Variants in MSRA observed in about 807,000 individuals in gnomAD.
MSRA encodes mitochondrial peptide methionine sulfoxide reductase.
A neutral mutation model predicts 31.3 loss-of-function variants in MSRA; 54 were observed. That is an observed-to-expected ratio of 1.73 (90% CI 1.39 to 2.17). The LOEUF (loss-of-function observed/expected upper bound fraction) is 2.17. Ranked by LOEUF, MSRA falls within the 30% of genes most tolerant of loss-of-function variation. The pLI is 0.00. For synonymous variants in MSRA, 169 were observed against 116.5 expected (o/e 1.45, Z -2.90); for missense variants, 507 against 300.9 (o/e 1.69, Z -5.07).
At chr8:10,306,033 T>C (rs1801121862) in intron 4 of MSRA, among the ~76,000 whole-genome samples, 1 of 152,236 alleles carries the variant, frequency 6.6e-6, no homozygotes, top group Non-Finnish European at 1.5e-5. Flanking sequence ...ACTCATGGGA[T>C]GAAGATAGTT....
chr8:10,067,372 A>G (rs1797508038), intron 1 of MSRA, among the ~76,000 whole-genome samples: 1 of 152,236 alleles, frequency 6.6e-6, no homozygotes, highest in African/African-American at 2.4e-5. Flanking sequence ...TTTTATTATC[A>G]ATAATATTCC....
chr8:10,266,388 T>G (rs1798749461), intron 3 of MSRA, among the ~76,000 whole-genome samples: 1 of 152,256 alleles, frequency 6.6e-6, no homozygotes, highest in South Asian at 2.1e-4. Context: ...TGTGTATGTC[T>G]TTCATAAATT....
chr8:10,237,174 T>C (rs1466664097), intron 2 of MSRA, among the ~76,000 whole-genome samples: 1 of 152,252 alleles, frequency 6.6e-6, no homozygotes, highest in African/African-American at 2.4e-5. Context: ...TCTCCTCTGC[T>C]AAGAGGAAAC....
At chr8:10,131,034 C>T (rs184977595) in intron 1 of MSRA, among the ~76,000 whole-genome samples, 1 of 152,252 alleles carries the variant, frequency 6.6e-6, no homozygotes, top group East Asian at 1.9e-4. Context: ...TTTTTGCAAA[C>T]TACAGAACTA....
rs1806848730 is a variant in MSRA at position 10,392,925 on chromosome 8, A to G, written c.544-35223A>G. On this transcript the variant is annotated intron_variant, in intron 5 of 5. Transcript: ENST00000317173. The stretch of plus-strand genomic sequence containing the variant: ...AAAAAAAAAAAAATTAGCCGGCAGT[A>G]ATGGCGGGCGCCTATAGTCCCAGCT... 2.7e-5 allele frequency among the ~76,000 whole-genome samples: 4 copies of G among 148,810 alleles called. No individual in the cohort carries two copies. The South Asian group carries it at 6.4e-4, about 24-fold the overall frequency.
At chr8:10,173,737 C>T (rs762781555) in intron 1 of MSRA, among the ~76,000 whole-genome samples, 2 of 152,200 alleles carry the variant, frequency 1.3e-5, no homozygotes, top group Non-Finnish European at 2.9e-5. Context: ...CCTTCTTTGT[C>T]ACTGTTTTCT....
intron 1 of MSRA, among the ~76,000 whole-genome samples, chr8:10,161,619 T>G (rs1804650840): frequency 6.6e-6 from 1 of 152,182 alleles, no homozygotes; most frequent in Admixed American, 6.5e-5. Flanking sequence ...ATACTGAAAG[T>G]CCTTTTTGGT....
At chr8:10,135,973 GTTGT>G (rs1166794311) in intron 1 of MSRA, among the ~76,000 whole-genome samples, 4 of 152,186 alleles carry the variant, frequency 2.6e-5, no homozygotes, top group African/African-American at 9.6e-5. Flanking sequence ...TTGCACTGTG[GTTGT>G]TTAATAGAAG....
intron 1 of MSRA, among the ~76,000 whole-genome samples, chr8:10,074,084 TTTTTTTTTTTTTTTA>T (rs1797874052): frequency 8.7e-5 from 10 of 114,698 alleles, no homozygotes; most frequent in African/African-American, 1.8e-4. Flanking sequence ...TTTTTTTTTT[TTTTTTTTTTTTTTTA>T]TTAAATGGAG....
At chr8:10,137,614 G>A (rs766800959) in intron 1 of MSRA, among the ~76,000 whole-genome samples, 1 of 152,310 alleles carries the variant, frequency 6.6e-6, no homozygotes, top group Non-Finnish European at 1.5e-5. Context: ...AGCTAAAATA[G>A]CGAATGCTGT....
At chr8:10,402,988 G>A (rs1807558904) in intron 5 of MSRA, among the ~76,000 whole-genome samples, 1 of 152,174 alleles carries the variant, frequency 6.6e-6, no homozygotes, top group Non-Finnish European at 1.5e-5. Context: ...TGGAAGAGAA[G>A]ACAGCTTCTA....
chr8:10,281,813 A>G lies in MSRA; in HGVS notation c.332-19721A>G, dbSNP rs116534172. Among the ~76,000 whole-genome samples the G allele has an allele frequency of 3.7e-3, 557 of 152,320 alleles. 3 individuals are homozygous for G. Among genetic ancestry groups the G allele is most frequent in the African/African-American group, 0.013 (540 of 41,562 alleles). ...AGGGGCGCTGATCAAGACGAAGGCT[A>G]TTATCGAGCTGGGATCCAAACATCT... On this transcript the variant is annotated intron_variant, in intron 3 of 5. Transcript: ENST00000317173.
At chr8:10,401,174 A>G (rs1585689268) in intron 5 of MSRA, among the ~76,000 whole-genome samples, 1 of 152,230 alleles carries the variant, frequency 6.6e-6, no homozygotes, top group African/African-American at 2.4e-5. Context: ...ATTAATGTCC[A>G]GAAAATATTT....
chr8:10,347,555 G>T (rs912791763), intron 5 of MSRA, among the ~76,000 whole-genome samples: 1 of 152,020 alleles, frequency 6.6e-6, no homozygotes, highest in African/African-American at 2.4e-5. Flanking sequence ...CTTTGTTCTG[G>T]TTTGGACTCT....
intron 1 of MSRA, among the ~76,000 whole-genome samples, chr8:10,164,570 A>G (rs530469036): frequency 6.6e-6 from 1 of 152,372 alleles, no homozygotes; most frequent in African/African-American, 2.4e-5. Context: ...AGAGAATGGG[A>G]AAACTCTTGG....
intron 1 of MSRA, among the ~76,000 whole-genome samples, chr8:10,073,273 T>G (rs1040207427): frequency 1.3e-5 from 2 of 152,200 alleles, no homozygotes; most frequent in Non-Finnish European, 2.9e-5. Context: ...TGCTGTTTAT[T>G]GAGTTACGGT....
chr8:10,243,439 A>C (rs1372967556), intron 2 of MSRA, among the ~76,000 whole-genome samples: 1 of 152,192 alleles, frequency 6.6e-6, no homozygotes, highest in Non-Finnish European at 1.5e-5. Context: ...CTTTTGCCGG[A>C]GACCTGTGGA....
chr8:10,181,345 A>C (rs1341392890), intron 1 of MSRA, among the ~76,000 whole-genome samples: 1 of 151,982 alleles, frequency 6.6e-6, no homozygotes, highest in African/African-American at 2.4e-5. Flanking sequence ...AAGTGCAAAC[A>C]CCCTGTGGGG....
At chr8:10,394,282 G>A (rs1806956882) in intron 5 of MSRA, among the ~76,000 whole-genome samples, 1 of 152,238 alleles carries the variant, frequency 6.6e-6, no homozygotes, top group South Asian at 2.1e-4. Context: ...AGTCCCCAGC[G>A]ACGATAGTTT....
Sources: allele counts gnomAD v4.1 joint callset (sites outside exome capture counted in the v4.1 genomes callset), GRCh38; gene constraint gnomAD v4.1.1; transcripts MANE v1.5; gene names NCBI Gene and HGNC (gene_info 2026-07-23, HGNC 2026-07-21).